NF2: variants seen among roughly 807,000 people sequenced by gnomAD.
The protein encoded by NF2 is NF2, moesin-ezrin-radixin like (MERLIN) tumor suppressor.
In NF2, 8 loss-of-function variants were observed where a neutral mutation model predicts 83.7. That is an observed-to-expected ratio of 0.10 (90% confidence interval 0.06 to 0.17). The LOEUF (loss-of-function observed/expected upper bound fraction) is 0.17, where lower values mean the gene tolerates loss of function less well. NF2 is among the 10% of genes least tolerant of loss of function. The probability of loss-of-function intolerance (pLI) is 1.00; values close to 1 mark genes in which losing one functional copy is unlikely to be tolerated. For missense variants in NF2, 533 were observed against 744.4 expected (o/e 0.72, Z 3.31); for synonymous variants, 266 against 269.6 (o/e 0.99, Z 0.13).
At chr22:29,627,706 C>CT (rs911282132) in intron 1 of NF2, among the ~76,000 whole-genome samples, 4 of 151,994 alleles carry the variant, frequency 2.6e-5, no homozygotes, top group African/African-American at 7.3e-5. Flanking sequence ...AGCATAAGGC[C>CT]TTTTTTTCCC....
intron 15 of NF2, among the ~76,000 whole-genome samples, chr22:29,693,636 T>C (rs977086547): frequency 4.6e-5 from 7 of 152,208 alleles, no homozygotes; most frequent in African/African-American, 1.4e-4. Context: ...GTGTCTGCAG[T>C]GAGCTGCTGA....
At chr22:29,641,685 A>C (rs2065814898) in intron 3 of NF2, among the ~76,000 whole-genome samples, 1 of 152,252 alleles carries the variant, frequency 6.6e-6, no homozygotes, top group African/African-American at 2.4e-5. Flanking sequence ...CCTCACGTGT[A>C]CTTAAAAGTT....
intron 1 of NF2, among the ~76,000 whole-genome samples, chr22:29,626,443 C>T (rs1016215022): frequency 2.0e-5 from 3 of 152,156 alleles, no homozygotes; most frequent in Non-Finnish European, 2.9e-5. Context: ...CGAGCCACCA[C>T]GCCCAGCCCC....
At chr22:29,679,765 C>T (rs1487542686) in intron 14 of NF2, among the ~76,000 whole-genome samples, 2 of 151,344 alleles carry the variant, frequency 1.3e-5, no homozygotes, top group African/African-American at 4.9e-5. Flanking sequence ...ACTCGGGAGG[C>T]TGAGGTGGGA....
chr22:29,632,571 C>T (rs2065543953), intron 1 of NF2, among the ~76,000 whole-genome samples: 1 of 152,194 alleles, frequency 6.6e-6, no homozygotes, highest in African/African-American at 2.4e-5. Context: ...AGACTTGTTT[C>T]TTTTTCCCCA....
chr22:29,691,211 C>A (rs1177275156), intron 15 of NF2, among the ~76,000 whole-genome samples: 1 of 152,232 alleles, frequency 6.6e-6, no homozygotes, highest in Non-Finnish European at 1.5e-5. Flanking sequence ...ACTCCCCAGG[C>A]AGGCAAGGTT....
chr22:29,632,136 A>G (rs1022626797), intron 1 of NF2, among the ~76,000 whole-genome samples: 1 of 151,994 alleles, frequency 6.6e-6, no homozygotes, highest in Non-Finnish European at 1.5e-5. Context: ...GATTTTATGT[A>G]TTTATTTTTA....
intron 1 of NF2, among the ~76,000 whole-genome samples, chr22:29,628,018 G>T (rs1328506834): frequency 6.6e-6 from 1 of 152,162 alleles, no homozygotes; most frequent in Non-Finnish European, 1.5e-5. Context: ...AGACTGTTCT[G>T]CTCAGAAGCC....
At chr22:29,614,452 G>A (rs2080397989) in intron 1 of NF2, among the ~76,000 whole-genome samples, 1 of 151,918 alleles carries the variant, frequency 6.6e-6, no homozygotes, top group Non-Finnish European at 1.5e-5. Context: ...CGTGGTGGCG[G>A]GCGCCTGTAG....
At chr22:29,683,646 G>A in intron 15 of NF2, 3 of 1,085,600 alleles carry the variant, frequency 2.8e-6, no homozygotes, top group Non-Finnish European at 3.4e-6. Context: ...TCTGATATGT[G>A]AGTCCACGGG....
rs1361867592 is a variant in NF2 at position 29,673,434 on chromosome 22, G to T, written c.1288G>T (p.Val430Leu). The stretch of plus-strand genomic sequence containing the variant: ...GGAGAAGCGCCTGATGGAGCAGAAG[G>T]TGCTGGAAGCCGAGGTGCTGGCACT... ...EEEKRLMEQK[V>L]LEAEVLALKM... The change falls in exon 12 of 16, where the codon GTG (valine) becomes TTG (leucine). Residue 430 changes from valine to leucine, a missense_variant. By Grantham distance (32) the Val-to-Leu change is conservative (BLOSUM62 1). Coordinates refer to ENST00000338641, the MANE Select transcript of NF2 (RefSeq NM_000268.4). The T allele has an allele frequency of 1.2e-6, 2 of 1,612,532 alleles. No homozygotes were observed. The highest frequency in any genetic ancestry group is 1.7e-6 in the Non-Finnish European group (2 of 1,179,662).
chr22:29,676,873 C>T (rs2066978569), intron 13 of NF2, among the ~76,000 whole-genome samples: 1 of 132,938 alleles, frequency 7.5e-6, no homozygotes, highest in Non-Finnish European at 1.8e-5. Context: ...TGATGTGTAA[C>T]ATACACATAG....
intron 1 of NF2, chr22:29,608,868 CGTG>C: frequency 2.2e-6 from 1 of 457,354 alleles, no homozygotes; most frequent in East Asian, 3.9e-5. Context: ...TGAGGGGACT[CGTG>C]GGGTAACTTG....
intron 6 of NF2, among the ~76,000 whole-genome samples, chr22:29,656,901 G>A (rs1601616470): frequency 2.9e-5 from 4 of 136,554 alleles, no homozygotes; most frequent in South Asian, 2.2e-4. Context: ...TCTAATTTTT[G>A]TAATCTAAAA....
chr22:29,628,940 G>A (rs548390186), intron 1 of NF2, among the ~76,000 whole-genome samples: 2 of 152,164 alleles, frequency 1.3e-5, no homozygotes, highest in Non-Finnish European at 2.9e-5. Flanking sequence ...CTCCAAGTTT[G>A]TGAGATCTTG....
At chr22:29,693,192 TCTC>T (rs1366319332) in intron 15 of NF2, among the ~76,000 whole-genome samples, 4 of 152,162 alleles carry the variant, frequency 2.6e-5, no homozygotes, top group Non-Finnish European at 4.4e-5. Flanking sequence ...TCCTGGCCCT[TCTC>T]CTCTGATTAC....
intron 1 of NF2, among the ~76,000 whole-genome samples, chr22:29,628,100 C>T (rs2146804624): frequency 6.6e-6 from 1 of 151,754 alleles, no homozygotes; most frequent in South Asian, 2.1e-4. Flanking sequence ...GGAGTATCCA[C>T]AGATTATGCA....
At chr22:29,671,258 C>T (rs910630528) in intron 10 of NF2, among the ~76,000 whole-genome samples, 2 of 152,166 alleles carry the variant, frequency 1.3e-5, no homozygotes, top group East Asian at 1.9e-4. Flanking sequence ...CTGCCAGGCG[C>T]GGCGGCTCAT....
intron 1 of NF2, among the ~76,000 whole-genome samples, chr22:29,624,799 C>CTCTT (rs57743070): frequency 0.04 from 4,645 of 116,580 alleles, 223 homozygotes; most frequent in East Asian, 0.051. Flanking sequence ...TTGAAGGGTC[C>CTCTT]TCTTTCTTTC....
Sources: gnomAD v4.1 joint callset for allele counts (sites outside exome capture counted in the v4.1 genomes callset) on GRCh38, gnomAD v4.1.1 for gene constraint, MANE v1.5 for transcripts, NCBI Gene and HGNC (gene_info 2026-07-23, HGNC 2026-07-21) for gene names.